Variants in CTNND2 observed in about 807,000 individuals in gnomAD.
CTNND2 encodes the protein catenin delta-2.
In CTNND2, 22 loss-of-function variants were observed where a neutral mutation model predicts 144.4. The ratio of observed to expected loss-of-function variants is 0.15; its 90% CI spans 0.11 to 0.22. CTNND2 has a LOEUF of 0.22. Ranked by LOEUF, CTNND2 falls within the 10% of genes least tolerant of loss-of-function variation. The probability of loss-of-function intolerance (pLI) is 1.00; values close to 1 mark genes in which losing one functional copy is unlikely to be tolerated. For missense variants in CTNND2, 1,353 were observed against 1,618.8 expected (o/e 0.84, Z 2.82); for synonymous variants, 751 against 695.6 (o/e 1.08, Z -1.25).
Position 11,089,285 on chromosome 5 carries a change from A to C in CTNND2, c.2638-6439T>G, listed in dbSNP as rs574006577. 3.3e-5 allele frequency among the ~76,000 whole-genome samples: 5 copies of C among 152,350 alleles called. No individual in the cohort carries two copies. The South Asian group carries it at 1.0e-3, about 32-fold the overall frequency. On this transcript the variant is annotated intron_variant, in intron 15 of 21. Transcript: ENST00000304623. Reference sequence around the variant, plus strand: ...AAATACTATGCTAGTGTACTAAAATAAACTCTCAATCATGGAACCCTAGCC... The same window carrying C: ...AAATACTATGCTAGTGTACTAAAATCAACTCTCAATCATGGAACCCTAGCC...
At chr5:11,449,859 C>T (rs1334685903) in intron 3 of CTNND2, among the ~76,000 whole-genome samples, 1 of 152,178 alleles carries the variant, frequency 6.6e-6, no homozygotes, top group Non-Finnish European at 1.5e-5. Flanking sequence ...GGCACACAGA[C>T]ATTCAGTAAA....
chr5:11,493,017 C>T (rs534792411), intron 3 of CTNND2, among the ~76,000 whole-genome samples: 8 of 152,152 alleles, frequency 5.3e-5, no homozygotes, highest in South Asian at 2.1e-4. Context: ...GGGAAGATTG[C>T]GCCACTACAC....
At chr5:11,748,892 A>G (rs1193484521) in intron 1 of CTNND2, among the ~76,000 whole-genome samples, 2 of 152,036 alleles carry the variant, frequency 1.3e-5, no homozygotes, top group African/African-American at 4.8e-5. Flanking sequence ...CACAAATAAT[A>G]TGGTAGATGT....
chr5:11,286,869 G>A lies in CTNND2; in HGVS notation c.1629-50046C>T, dbSNP rs1313085725. Among the ~76,000 whole-genome samples, 9 of 152,158 alleles carry A rather than the reference G, an allele frequency of 5.9e-5. No homozygotes were observed. In the East Asian group the frequency reaches 1.7e-3, roughly 29 times the overall value. On this transcript the variant is annotated intron_variant, in intron 9 of 21. Transcript: ENST00000304623. ...TCTTCCACATTTGCCCAGGACACAT[G>A]CACAAGAACAGTCCTTGCTTGCTGT... is the stretch of plus-strand genomic sequence containing the variant.
At chr5:11,146,245 A>G (rs760933923) in intron 12 of CTNND2, among the ~76,000 whole-genome samples, 23 of 152,220 alleles carry the variant, frequency 1.5e-4, no homozygotes, top group Admixed American at 2.0e-4. Context: ...GATGTGATCC[A>G]TTTTATCTAA....
rs574644015 is a variant in CTNND2, at chr5:11,444,118, G to T, written c.288-32049C>A. 6.6e-5 allele frequency among the ~76,000 whole-genome samples: 10 copies of T among 152,292 alleles called. No individual in the cohort carries two copies. In the East Asian group the frequency reaches 1.5e-3, roughly 24 times the overall value. On this transcript the variant is annotated intron_variant, in intron 3 of 21. Transcript: ENST00000304623. ...GCATTGACTTAATGCCAAAATTCAG[G>T]AGCATTAAGACACTTAGAAGTAAGT...
At chr5:11,739,985 A>T (rs1453451051) in intron 1 of CTNND2, among the ~76,000 whole-genome samples, 1 of 152,140 alleles carries the variant, frequency 6.6e-6, no homozygotes, top group African/African-American at 2.4e-5. Flanking sequence ...CTTACAAGGG[A>T]TGTGAAGGAC....
At chr5:11,110,828 T>C (rs775380557) in intron 14 of CTNND2, 30 bp downstream of exon 14, 5 of 1,596,206 alleles carry the variant, frequency 3.1e-6, no homozygotes, top group Non-Finnish European at 4.3e-6. Context: ...AAGGGGATAA[T>C]TGCATGCAGC....
Position 11,457,560 on chromosome 5 carries a change from T to C in CTNND2, c.288-45491A>G, listed in dbSNP as rs548694525. On this transcript the variant is annotated intron_variant, in intron 3 of 21. Coordinates refer to ENST00000304623, the MANE Select transcript of CTNND2 (RefSeq NM_001332.4). ...AGGGCCAGGACTCTCCACTCCATAG[T>C]TGGCATTTTTTCTACTTCATCTTCT... is the stretch of plus-strand genomic sequence containing the variant. Among the ~76,000 whole-genome samples, 4 of 152,318 alleles carry C rather than the reference T, an allele frequency of 2.6e-5. No homozygotes were observed. In the East Asian group the frequency reaches 5.8e-4, roughly 22 times the overall value.
intron 1 of CTNND2, among the ~76,000 whole-genome samples, chr5:11,885,749 C>T (rs551956246): frequency 2.6e-4 from 39 of 152,154 alleles, no homozygotes; most frequent in African/African-American, 9.2e-4. Context: ...GCACATGGAA[C>T]ATTCTTCAGA....
intron 18 of CTNND2, 121 bp downstream of exon 18, chr5:11,017,853 T>A: frequency 1.4e-6 from 1 of 734,568 alleles, no homozygotes; most frequent in Non-Finnish European, 2.4e-6. Flanking sequence ...TCTTCACTGA[T>A]TCTCGTTTCA....
rs536565364 is a variant in CTNND2 at position 11,233,886 on chromosome 5, T to G, written c.1761+2805A>C. ...TTTGGCTAACACTTACTAACTTCAA[T>G]CTCATTTTGTCAACTCAGGATCAGG... is the stretch of plus-strand genomic sequence containing the variant. On this transcript the variant is annotated intron_variant, in intron 10 of 21. Coordinates refer to ENST00000304623, the MANE Select transcript of CTNND2 (RefSeq NM_001332.4). Among the ~76,000 whole-genome samples, 553 of 152,300 alleles carry G rather than the reference T, an allele frequency of 3.6e-3. 2 individuals are homozygous for G. Among genetic ancestry groups the G allele is most frequent in the African/African-American group, 0.013 (530 of 41,560 alleles).
chr5:11,621,348 T>A (rs56116705), intron 2 of CTNND2, among the ~76,000 whole-genome samples: 3,046 of 152,248 alleles, frequency 0.02, 45 homozygotes, highest in Non-Finnish European at 0.035. Flanking sequence ...TGTAAGTAGG[T>A]TTGAATTATC....
At chr5:11,493,114 T>A (rs1481227726) in intron 3 of CTNND2, among the ~76,000 whole-genome samples, 1 of 152,098 alleles carries the variant, frequency 6.6e-6, no homozygotes, top group Admixed American at 6.6e-5. Flanking sequence ...TGTCTCAAAA[T>A]AATAATAATT....
intron 3 of CTNND2, among the ~76,000 whole-genome samples, chr5:11,489,887 G>A (rs550187460): frequency 6.6e-6 from 1 of 152,172 alleles, no homozygotes; most frequent in African/African-American, 2.4e-5. Flanking sequence ...TGTGAATTTC[G>A]TTCTAGGTTT....
intron 3 of CTNND2, among the ~76,000 whole-genome samples, chr5:11,466,731 T>C (rs1432494982): frequency 6.6e-6 from 1 of 152,126 alleles, no homozygotes. Context: ...AAGGCCCACA[T>C]TAGTGGGGGT....
intron 3 of CTNND2, among the ~76,000 whole-genome samples, chr5:11,433,594 G>A (rs1331677609): frequency 6.6e-6 from 1 of 152,208 alleles, no homozygotes; most frequent in African/African-American, 2.4e-5. Flanking sequence ...AAAAGGAGGA[G>A]CAGGTGCATC....
chr5:11,252,777 T>A (rs149100197), intron 9 of CTNND2, among the ~76,000 whole-genome samples: 1 of 152,232 alleles, frequency 6.6e-6, no homozygotes, highest in Non-Finnish European at 1.5e-5. Flanking sequence ...TTTTTGTTAC[T>A]ATTTTTATAA....
At chr5:11,710,339 G>A (rs1196489560) in intron 2 of CTNND2, among the ~76,000 whole-genome samples, 2 of 152,038 alleles carry the variant, frequency 1.3e-5, no homozygotes, top group East Asian at 1.9e-4. Context: ...TCAAGGGATC[G>A]AGATCATCCT....
Sources: allele counts gnomAD v4.1 joint callset (sites outside exome capture counted in the v4.1 genomes callset), GRCh38; gene constraint gnomAD v4.1.1; transcripts MANE v1.5; gene names NCBI Gene and HGNC (gene_info 2026-07-23, HGNC 2026-07-21).